ADCK1: variants seen among roughly 807,000 people sequenced by gnomAD.
ADCK1 encodes the protein aarF domain-containing protein kinase 1.
In ADCK1, 41 loss-of-function variants were observed where a neutral mutation model predicts 52.3. The ratio of observed to expected loss-of-function variants is 0.78; its 90% confidence interval spans 0.61 to 1.02. ADCK1 has a LOEUF of 1.02. Ranked by LOEUF, ADCK1 falls within the 50% of genes least tolerant of loss-of-function variation. The pLI is 0.00. For missense variants in ADCK1, 658 were observed against 679.5 expected, an observed-to-expected ratio of 0.97 and a Z score of 0.35; for synonymous variants, 250 against 274.6, an observed-to-expected ratio of 0.91 and a Z score of 0.89.
chr14:77,845,758 A>G (rs1439513043), intron 3 of ADCK1, among the ~76,000 whole-genome samples: 1 of 152,008 alleles, frequency 6.6e-6, no homozygotes, highest in Non-Finnish European at 1.5e-5. Flanking sequence ...TTATCTTTCT[A>G]GATTCTTGGT....
At chr14:77,877,347 A>C (rs1190353693) in intron 4 of ADCK1, among the ~76,000 whole-genome samples, 1 of 152,242 alleles carries the variant, frequency 6.6e-6, no homozygotes, top group Non-Finnish European at 1.5e-5. Context: ...TCCTGATAGC[A>C]AATGGAGCTG....
intron 3 of ADCK1, among the ~76,000 whole-genome samples, chr14:77,824,157 C>T (rs4903652): frequency 0.61 from 92,645 of 152,032 alleles, 29,114 homozygotes; most frequent in Middle Eastern, 0.7. Context: ...CTCAGCCTCC[C>T]GAAGTGCTGG....
chr14:77,867,978 C>T (rs769085318), intron 4 of ADCK1, among the ~76,000 whole-genome samples: 19 of 152,190 alleles, frequency 1.2e-4, no homozygotes, highest in Non-Finnish European at 2.5e-4. Context: ...TGTTACGTGT[C>T]GAGTTGTTGC....
chr14:77,825,809 A>G (rs1032384729), intron 3 of ADCK1, among the ~76,000 whole-genome samples: 1 of 151,894 alleles, frequency 6.6e-6, no homozygotes, highest in Non-Finnish European at 1.5e-5. Context: ...GTTTTTATGG[A>G]GGATCTCAAA....
intron 3 of ADCK1, among the ~76,000 whole-genome samples, chr14:77,840,153 T>A (rs1164029494): frequency 6.6e-6 from 1 of 151,846 alleles, no homozygotes; most frequent in African/African-American, 2.4e-5. Context: ...TACAGTAGCT[T>A]CCTATGACTA....
intron 1 of ADCK1, among the ~76,000 whole-genome samples, chr14:77,817,471 T>C (rs2081481027): frequency 6.6e-6 from 1 of 152,128 alleles, no homozygotes; most frequent in African/African-American, 2.4e-5. Context: ...TAGTCTGACA[T>C]AAATTGCTCA....
chr14:77,879,172 A>G (rs748565531), intron 4 of ADCK1, among the ~76,000 whole-genome samples: 32 of 152,144 alleles, frequency 2.1e-4, no homozygotes, highest in Non-Finnish European at 4.4e-4. Context: ...CCTCTCCCTG[A>G]TGAGGACAGG....
At chr14:77,901,888 C>T (rs571612619) in intron 6 of ADCK1, among the ~76,000 whole-genome samples, 28 of 152,244 alleles carry the variant, frequency 1.8e-4, no homozygotes, top group Middle Eastern at 3.4e-3. Flanking sequence ...AGCTTAGCTT[C>T]CAACTCTAGG....
chr14:77,872,026 C>T (rs2082789707), intron 4 of ADCK1, among the ~76,000 whole-genome samples: 3 of 152,164 alleles, frequency 2.0e-5, no homozygotes, highest in Admixed American at 1.3e-4. Context: ...TAGCAGCTTA[C>T]GCCTTCTGTC....
chr14:77,889,893 A>AAAC (rs1196868241), intron 5 of ADCK1, among the ~76,000 whole-genome samples: 2 of 151,452 alleles, frequency 1.3e-5, no homozygotes, highest in Non-Finnish European at 2.9e-5. Context: ...AGTTAAAAAA[A>AAAC]AAAAAAAAAA....
At chr14:77,891,416 C>G (rs1213865128) in intron 5 of ADCK1, among the ~76,000 whole-genome samples, 1 of 152,242 alleles carries the variant, frequency 6.6e-6, no homozygotes, top group African/African-American at 2.4e-5. Flanking sequence ...AGGAAGCTGC[C>G]TCTGCGTAGT....
At chr14:77,801,512 T>C (rs2081109520) in intron 1 of ADCK1, among the ~76,000 whole-genome samples, 1 of 152,256 alleles carries the variant, frequency 6.6e-6, no homozygotes, top group South Asian at 2.1e-4. Flanking sequence ...ATATTCTACC[T>C]TATTGGGTCA....
At chr14:77,832,109 C>G (rs2081865557) in intron 3 of ADCK1, among the ~76,000 whole-genome samples, 1 of 152,112 alleles carries the variant, frequency 6.6e-6, no homozygotes, top group African/African-American at 2.4e-5. Context: ...TCCTGAGTAG[C>G]TGGGACTACT....
At chr14:77,859,361 G>C (rs1010971400) in intron 4 of ADCK1, 82 bp downstream of exon 4, 5 of 1,379,044 alleles carry the variant, frequency 3.6e-6, no homozygotes, top group Non-Finnish European at 4.9e-6. Flanking sequence ...GCCTCGACCA[G>C]GGTGCTGGGG....
At chr14:77,860,527 G>T (rs895689670) in intron 4 of ADCK1, among the ~76,000 whole-genome samples, 2 of 152,204 alleles carry the variant, frequency 1.3e-5, no homozygotes, top group African/African-American at 4.8e-5. Context: ...CTGGCCTGGA[G>T]CGGGGGTTGG....
intron 3 of ADCK1, among the ~76,000 whole-genome samples, chr14:77,855,178 T>G (rs2082392644): frequency 6.6e-6 from 1 of 152,242 alleles, no homozygotes; most frequent in Admixed American, 6.5e-5. Context: ...TCTAGAGACT[T>G]GTGAGTAAAG....
At chr14:77,932,282 C>T (rs561693450) in intron 10 of ADCK1, among the ~76,000 whole-genome samples, 113 of 152,256 alleles carry the variant, frequency 7.4e-4, no homozygotes, top group African/African-American at 2.5e-3. Context: ...CTCCTGACCT[C>T]GAGTGATCCA....
At chr14:77,815,862 C>G (rs1465812806) in intron 1 of ADCK1, among the ~76,000 whole-genome samples, 1 of 144,362 alleles carries the variant, frequency 6.9e-6, no homozygotes, top group Admixed American at 7.2e-5. Context: ...GTTGCCCAAG[C>G]TGGAGTGCAG....
At chr14:77,814,586 C>T (rs2081403075) in intron 1 of ADCK1, among the ~76,000 whole-genome samples, 1 of 149,948 alleles carries the variant, frequency 6.7e-6, no homozygotes, top group Non-Finnish European at 1.5e-5. Context: ...AAAATTAGCC[C>T]ACTCCGGAGG....
Sources: allele counts gnomAD v4.1 joint callset (sites outside exome capture counted in the v4.1 genomes callset), GRCh38; gene constraint gnomAD v4.1.1; transcripts MANE v1.5; gene names NCBI Gene and HGNC (gene_info 2026-07-23, HGNC 2026-07-21).